Variants in RAI1 observed in about 807,000 individuals in gnomAD.
The protein encoded by RAI1 is retinoic acid induced 1.
RAI1 carries 9 observed loss-of-function variants against 123.8 expected under a neutral mutation model. That is an observed-to-expected ratio of 0.07 (90% CI 0.04 to 0.13). The LOEUF (loss-of-function observed/expected upper bound fraction) is 0.13, where lower values mean the gene tolerates loss of function less well. Among genes scored for constraint, RAI1 ranks in the 10% least tolerant of loss-of-function variants. The pLI is 1.00. For synonymous variants in RAI1, 1,231 were observed against 1,127.3 expected (o/e 1.09, Z -1.84); for missense variants, 2,256 against 2,545.8 (o/e 0.89, Z 2.45).
rs1487225326 is a variant in RAI1 at position 17,711,251 on chromosome 17, A to T, written c.-148-12777A>T. Among the ~76,000 whole-genome samples the T allele has an allele frequency of 3.3e-5, 5 of 152,158 alleles. No homozygotes were observed. The East Asian group carries it at 9.6e-4, about 29-fold the overall frequency. ...GGGGTTGTCCCTCCTCGACAGAAAC[A>T]CACAGGCCCTGGCTGCCGCAGCACC... On this transcript the variant is annotated intron_variant, in intron 1 of 5. Transcript: ENST00000353383.
intron 1 of RAI1, among the ~76,000 whole-genome samples, chr17:17,709,593 C>T (rs953612314): frequency 2.0e-5 from 3 of 152,174 alleles, no homozygotes; most frequent in Admixed American, 6.5e-5. Flanking sequence ...AGGTCTCTTT[C>T]CTTCCCTTCC....
Position 17,797,043 on chromosome 17 carries a change from C to A in RAI1, c.4095C>A (p.Asp1365Glu). Residue 1365 changes from aspartate (D) to glutamate (E), a missense_variant, in exon 3 of 6, where the codon GAC (aspartate) becomes GAA (glutamate). Asp to Glu is a conservative substitution (Grantham distance 45). Around this residue, in one of 7 missense-constraint regions of RAI1, gnomAD observed 322 missense variants for 358.0 expected, o/e 0.90. Coordinates refer to ENST00000353383, the MANE Select transcript of RAI1 (RefSeq NM_030665.4). ...NPLSPSLSDK[D>E]RGLKGAGGSP... ...TGAGCCCATCCCTTTCCGACAAAGA[C>A]CGTGGGCTCAAGGGTGCTGGGGGCA... 1 of 1,613,934 alleles carries A rather than the reference C, an allele frequency of 6.2e-7. No homozygotes were observed. The highest frequency in any genetic ancestry group is 1.1e-5 in the South Asian group (1 of 91,084).
Position 17,795,353 on chromosome 17 carries a change from A to G in RAI1, c.2405A>G (p.Lys802Arg), listed in dbSNP as rs896295956. 5 of 1,598,730 alleles carry G rather than the reference A, an allele frequency of 3.1e-6. No homozygotes were observed. In the African/African-American group the frequency reaches 6.7e-5, roughly 21 times the overall value. The change falls in exon 3 of 6, where the codon AAG becomes AGG. Residue 802 changes from lysine (K) to arginine (R), a missense_variant. This residue lies in a region of RAI1 where 566 missense variants were observed against 616.0 expected (regional missense o/e 0.92). Coordinates refer to ENST00000353383, the MANE Select transcript of RAI1 (RefSeq NM_030665.4). This position sits in a 1 kb window ranked among gnomAD's most constrained non-coding sequence, Gnocchi z 5.9. ...CAGGAGGAGGACCCCCCTGGGGAGA[A>G]GGTGGCCTCGTTGCCCGGGGACTTC... ...GFQEEDPPGE[K>R]VASLPGDFKQ...
chr17:17,793,330 C>G lies in RAI1; in HGVS notation c.382C>G (p.Pro128Ala). Reference protein sequence around the residue: ...LQAWGAPQPPPPQPQPLPAGV... With the variant: ...LQAWGAPQPPAPQPQPLPAGV... ...GGCTTGGGGGGCCCCACAGCCACCA[C>G]CCCCACAGCCGCAGCCACTACCTGC... Residue 128 changes from proline (P) to alanine (A), a missense_variant, in exon 3 of 6, where the codon CCC (proline) becomes GCC (alanine). Pro to Ala is a conservative substitution (Grantham distance 27). Around this residue, in one of 7 missense-constraint regions of RAI1, gnomAD observed 336 missense variants for 349.8 expected, o/e 0.96. Coordinates refer to ENST00000353383, the MANE Select transcript of RAI1 (RefSeq NM_030665.4). 1 of 1,612,596 alleles carries G rather than the reference C, an allele frequency of 6.2e-7. No homozygotes were observed. Among genetic ancestry groups the G allele is most frequent in the Non-Finnish European group, 8.5e-7 (1 of 1,179,750 alleles).
At position 17,718,968 on chromosome 17, in the gene RAI1, C is replaced by T. The variant is rs527364280; in HGVS notation, c.-148-5060C>T. On this transcript the variant is annotated intron_variant, in intron 1 of 5. Coordinates refer to ENST00000353383, the MANE Select transcript of RAI1 (RefSeq NM_030665.4). ...AGCATGAATGGCAGATCCCAGCAGC[C>T]GTATCCATCCTTCTTGCAAGTTGCT... Among the ~76,000 whole-genome samples the T allele has an allele frequency of 4.6e-5, 7 of 152,278 alleles. No individual in the cohort carries two copies. The East Asian group carries it at 1.2e-3, about 25-fold the overall frequency.
intron 2 of RAI1, among the ~76,000 whole-genome samples, chr17:17,753,831 C>T (rs1351991096): frequency 6.6e-6 from 1 of 152,232 alleles, no homozygotes; most frequent in African/African-American, 2.4e-5. Flanking sequence ...TTCTCTGCCC[C>T]AGACCCTGGC....
intron 2 of RAI1, among the ~76,000 whole-genome samples, chr17:17,744,789 C>CAAA (rs58984430): frequency 4.1e-4 from 19 of 46,772 alleles, no homozygotes; most frequent in East Asian, 2.0e-3. Context: ...GACTCCGTCT[C>CAAA]AAAAAAAAAA....
chr17:17,685,397 C>T lies in RAI1; in HGVS notation c.-149+3604C>T, dbSNP rs575595772. On this transcript the variant is annotated intron_variant, in intron 1 of 5. Transcript: ENST00000353383. The surrounding 1 kb of genome is among the most constrained non-coding windows in gnomAD (Gnocchi z 4.0). The stretch of plus-strand genomic sequence containing the variant: ...GGGACCCAGCTCATAGCCAAGGCCT[C>T]GACCAGAGCTGGAGGCTTCCTGGAG... 7.9e-5 allele frequency among the ~76,000 whole-genome samples: 12 copies of T among 152,236 alleles called. No individual in the cohort carries two copies. The highest frequency in any genetic ancestry group is 1.9e-4 in the East Asian group (1 of 5,204).
intron 1 of RAI1, among the ~76,000 whole-genome samples, chr17:17,689,734 G>C (rs1429830492): frequency 6.6e-6 from 1 of 152,140 alleles, no homozygotes; most frequent in East Asian, 1.9e-4. Flanking sequence ...TGTAAAATGG[G>C]GGAACTGATA....
chr17:17,776,029 G>A (rs921211361), intron 2 of RAI1, among the ~76,000 whole-genome samples: 2 of 152,222 alleles, frequency 1.3e-5, no homozygotes, highest in Admixed American at 6.5e-5. Flanking sequence ...GACGCAGCCT[G>A]TACAGGAATT....
In RAI1 at chr17:17,750,720, A is replaced by G. The variant is rs554525642; in HGVS notation, c.-17+26561A>G. ...AAAAAAAAAAAAAAAAAAAGAAAAG[A>G]AACACATGATGGGTGTCTGGAGATG... On this transcript the variant is annotated intron_variant, in intron 2 of 5. Coordinates refer to ENST00000353383, the MANE Select transcript of RAI1 (RefSeq NM_030665.4). 1.9e-3 allele frequency among the ~76,000 whole-genome samples: 281 copies of G among 151,812 alleles called. 1 individual carries two copies. The highest frequency in any genetic ancestry group is 6.5e-3 in the African/African-American group (268 of 41,300).
intron 1 of RAI1, among the ~76,000 whole-genome samples, chr17:17,711,238 C>T (rs999210336): frequency 6.6e-5 from 10 of 152,220 alleles, no homozygotes; most frequent in Non-Finnish European, 1.0e-4. Flanking sequence ...GGTTGTCCCT[C>T]CTCGACAGAA....
At chr17:17,802,307 C>T (rs1006712432) in intron 3 of RAI1, 4 of 399,404 alleles carry the variant, frequency 1.0e-5, no homozygotes, top group Admixed American at 5.4e-5. Flanking sequence ...AGCTGGTCCC[C>T]TGGAGGGTGC....
In RAI1 at chr17:17,810,540, T is replaced by C. The variant is rs1430402832; in HGVS notation, c.*559T>C. Reference sequence around the variant, plus strand: ...TTCTGAGAGCGGGCTAGGCCGGCACTGGAGAGGCCGGAGCCTTTGGAACAA... The same window carrying C: ...TTCTGAGAGCGGGCTAGGCCGGCACCGGAGAGGCCGGAGCCTTTGGAACAA... On this transcript the variant is annotated 3_prime_UTR_variant, in exon 6 of 6. Transcript: ENST00000353383. The surrounding 1 kb of genome is among the most constrained non-coding windows in gnomAD (Gnocchi z 4.6). 1 of 289,820 alleles carries C rather than the reference T, an allele frequency of 3.5e-6. No homozygotes were observed. Among genetic ancestry groups the C allele is most frequent in the African/African-American group, 2.3e-5 (1 of 43,516 alleles). The allele number at this position is 289,820 out of a possible 1,614,324, so 18.0% of individuals were successfully genotyped here. A position where few individuals can be genotyped will look rare whatever the true frequency, so the allele number is the denominator to read the frequency against.
intron 1 of RAI1, among the ~76,000 whole-genome samples, chr17:17,712,554 T>C (rs886872531): frequency 1.3e-5 from 2 of 152,174 alleles, no homozygotes; most frequent in Admixed American, 6.5e-5. Context: ...GTGGGAGCCA[T>C]GGAGGATTCC....
At chr17:17,758,156 C>G (rs764527360) in intron 2 of RAI1, among the ~76,000 whole-genome samples, 1 of 152,198 alleles carries the variant, frequency 6.6e-6, no homozygotes, top group Non-Finnish European at 1.5e-5. Flanking sequence ...CAACTGTTAC[C>G]AAGACTCGGT....
At chr17:17,681,953 T>C (rs1176307759) in intron 1 of RAI1, among the ~76,000 whole-genome samples, 160 bp downstream of exon 1, 1 of 149,796 alleles carries the variant, frequency 6.7e-6, no homozygotes, top group Non-Finnish European at 1.5e-5. Flanking sequence ...GGGTCCTTGC[T>C]TTGTGTGGTG....
chr17:17,703,862 A>G (rs540268620), intron 1 of RAI1, among the ~76,000 whole-genome samples: 3 of 152,294 alleles, frequency 2.0e-5, no homozygotes, highest in Admixed American at 2.0e-4. Context: ...CACTCTGCCC[A>G]GAACCTTCGT....
intron 2 of RAI1, among the ~76,000 whole-genome samples, chr17:17,760,122 C>A (rs570974109): frequency 6.6e-6 from 1 of 152,326 alleles, no homozygotes; most frequent in Non-Finnish European, 1.5e-5. Flanking sequence ...CAGAGTACTG[C>A]CCCCACCTGC....
Sources: gnomAD v4.1 joint callset for allele counts (sites outside exome capture counted in the v4.1 genomes callset) on GRCh38, gnomAD v4.1.1 for gene constraint, gnomAD v4.1.1 regional missense constraint, Gnocchi (gnomAD v3.1) non-coding constraint, MANE v1.5 for transcripts, NCBI Gene and HGNC (gene_info 2026-07-23, HGNC 2026-07-21) for gene names.